PTCD3: variants seen among roughly 807,000 people sequenced by gnomAD.
The protein encoded by PTCD3 is pentatricopeptide repeat domain 3.
In PTCD3, 89 loss-of-function variants were observed where a neutral mutation model predicts 101.9. That is an observed-to-expected ratio of 0.87 (90% CI 0.74 to 1.04). The LOEUF (loss-of-function observed/expected upper bound fraction) is 1.04. Ranked by LOEUF, PTCD3 falls within the 50% of genes least tolerant of loss-of-function variation. The probability of loss-of-function intolerance (pLI) is 0.00; values close to 1 mark genes in which losing one functional copy is unlikely to be tolerated. For missense variants in PTCD3, 870 were observed against 828.2 expected (o/e 1.05, Z -0.62); for synonymous variants, 296 against 278.5 (o/e 1.06, Z -0.63).
chr2:86,133,354 TC>T lies in PTCD3; in HGVS notation c.1465del (p.His489ThrfsTer5). The T allele has an allele frequency of 6.2e-7, 1 of 1,614,118 alleles. No individual in the cohort carries two copies. Among genetic ancestry groups the T allele is most frequent in the Non-Finnish European group, 8.5e-7 (1 of 1,179,980 alleles). On this transcript the variant is annotated frameshift_variant, in exon 19 of 24. Coordinates refer to ENST00000254630, the MANE Select transcript of PTCD3 (RefSeq NM_017952.6). LOFTEE classifies it high-confidence loss of function. ...YEDLIPSAYF[P>X]HSQTMIHLLQ... is the part of the protein sequence containing the mutation. Reference sequence around the variant, plus strand: ...GTGTTTCTCTTAATCAGGCCTACTTTCCCCACTCCCAAACAATGATACATCT... The same window carrying T: ...GTGTTTCTCTTAATCAGGCCTACTTTCCCACTCCCAAACAATGATACATCT...
chr2:86,124,961 T>A (rs749649981), intron 9 of PTCD3, 34 bp from the exon 10 acceptor site: 6 of 1,609,416 alleles, frequency 3.7e-6, no homozygotes, highest in African/African-American at 1.3e-5. Context: ...GTATTTCTTA[T>A]TGCCTGGGTT....
intron 23 of PTCD3, 88 bp downstream of exon 23, chr2:86,137,228 C>A: frequency 7.0e-7 from 1 of 1,435,034 alleles, no homozygotes; most frequent in East Asian, 2.3e-5. Context: ...TCTATCCCTT[C>A]TATTTCCTTT....
At chr2:86,131,477 A>G (rs192195023) in intron 16 of PTCD3, among the ~76,000 whole-genome samples, 153 of 152,134 alleles carry the variant, frequency 1.0e-3, no homozygotes, top group Admixed American at 2.2e-3. Context: ...CCACCTCCCA[A>G]AGTGCTGGGA....
rs367545909 is a variant in PTCD3, at chr2:86,132,820, G to C, written c.1374-358G>C. 5 of 321,898 alleles carry C rather than the reference G, an allele frequency of 1.6e-5. No individual in the cohort carries two copies. In the East Asian group the frequency reaches 2.5e-4, roughly 16 times the overall value. 19.9% of individuals were successfully genotyped at this position (321,898 alleles called of 1,614,324 possible). A position where few individuals can be genotyped will look rare whatever the true frequency, so the allele number is the denominator to read the frequency against. On this transcript the variant is annotated intron_variant, in intron 17 of 23. Transcript: ENST00000254630. ...AATGGGTTTGCTTTTAGGCAGATAA[G>C]AACATGAATTTAAGAAGGCAGCATG...
rs1465276708 is a variant in PTCD3 at position 86,139,625 on chromosome 2, A to AC, written c.*2072dup. 8 of 151,724 alleles carry AC rather than the reference A, an allele frequency of 5.3e-5. No individual in the cohort carries two copies. Among genetic ancestry groups the AC allele is most frequent in the South Asian group, 2.1e-4 (1 of 4,796 alleles). The allele number at this position is 151,724 out of a possible 1,614,324, so 9.4% of individuals were successfully genotyped here. On this transcript the variant is annotated 3_prime_UTR_variant, in exon 24 of 24. Transcript: ENST00000254630. Reference sequence around the variant, plus strand: ...TGAGACCAGCCTGGGTAACAGTGAGACCCCCCTCCCTACAAAAGATTTTAA... The same window carrying AC: ...TGAGACCAGCCTGGGTAACAGTGAGACCCCCCCTCCCTACAAAAGATTTTAA...
intron 10 of PTCD3, 134 bp from the exon 11 acceptor site, chr2:86,125,321 A>G: frequency 1.8e-6 from 2 of 1,109,666 alleles, no homozygotes; most frequent in Middle Eastern, 2.0e-4. Context: ...ATCCCACTGC[A>G]CTAGAGTATG....
intron 9 of PTCD3, 48 bp downstream of exon 9, chr2:86,123,810 A>G: frequency 2.3e-6 from 3 of 1,297,728 alleles, no homozygotes; most frequent in Non-Finnish European, 3.2e-6. Context: ...CTTACAGTGC[A>G]TGGAATATGC....
intron 12 of PTCD3, among the ~76,000 whole-genome samples, 171 bp downstream of exon 12, chr2:86,126,051 G>A (rs1028219489): frequency 9.9e-5 from 15 of 152,020 alleles, no homozygotes; most frequent in African/African-American, 3.6e-4. Context: ...CCAACATGGT[G>A]AAACCCGTCT....
At chr2:86,122,494 C>T (rs1280660837) in intron 8 of PTCD3, among the ~76,000 whole-genome samples, 1 of 149,364 alleles carries the variant, frequency 6.7e-6, no homozygotes, top group Non-Finnish European at 1.5e-5. Flanking sequence ...TTACTGCAGC[C>T]TTTAACTCCT....
chr2:86,136,682 A>G, intron 22 of PTCD3, 120 bp downstream of exon 22: 1 of 1,179,044 alleles, frequency 8.5e-7, no homozygotes, highest in East Asian at 2.3e-5. Flanking sequence ...CATACCGTCA[A>G]CTCCCTACTA....
Position 86,125,069 on chromosome 2 carries a change from G to C in PTCD3, c.791G>C (p.Arg264Pro). The C allele has an allele frequency of 6.2e-7, 1 of 1,613,882 alleles. No individual in the cohort carries two copies. The highest frequency in any genetic ancestry group is 2.2e-5 in the East Asian group (1 of 44,866). The change falls in exon 10 of 24, where the codon CGA (arginine) becomes CCA (proline). Residue 264 changes from arginine (R) to proline (P), a missense_variant. Arg to Pro is a moderately radical substitution (Grantham distance 103). Transcript: ENST00000254630. ...KNEHSYCTMI[R>P]GMVKHRAYEQ... ...GAACATTCCTATTGCACAATGATCC[G>C]AGGAATGGTGAAGGTACATTTGTTT...
At chr2:86,122,245 A>G (rs1238885486) in intron 8 of PTCD3, among the ~76,000 whole-genome samples, 1 of 152,236 alleles carries the variant, frequency 6.6e-6, no homozygotes, top group Non-Finnish European at 1.5e-5. Context: ...GGAAACATTC[A>G]TCCAATAAGT....
chr2:86,114,744 G>A (rs1307914336), intron 4 of PTCD3, among the ~76,000 whole-genome samples: 2 of 152,142 alleles, frequency 1.3e-5, no homozygotes, highest in Non-Finnish European at 1.5e-5. Flanking sequence ...CAAAAGATAC[G>A]TGTGTGTGAG....
chr2:86,137,349 A>C, intron 23 of PTCD3, 120 bp from the exon 24 acceptor site: 1 of 1,421,464 alleles, frequency 7.0e-7, no homozygotes, highest in Admixed American at 2.5e-5. Context: ...GTTTAATGCA[A>C]CTGCAGGGTC....
intron 14 of PTCD3, among the ~76,000 whole-genome samples, 197 bp downstream of exon 14, chr2:86,128,188 T>C (rs1424519): frequency 0.053 from 8,133 of 152,102 alleles, 296 homozygotes; most frequent in Non-Finnish European, 0.079. Flanking sequence ...CTTGAACTCC[T>C]GGGCTCAAAC....
At chr2:86,115,538 A>G (rs1325346215) in intron 4 of PTCD3, among the ~76,000 whole-genome samples, 1 of 152,218 alleles carries the variant, frequency 6.6e-6, no homozygotes, top group African/African-American at 2.4e-5. Context: ...AAAATAAAAC[A>G]CTGCCTCCAG....
chr2:86,137,321 CT>C (rs1400459051), intron 23 of PTCD3, 147 bp from the exon 24 acceptor site: 4 of 1,325,390 alleles, frequency 3.0e-6, no homozygotes, highest in Non-Finnish European at 4.1e-6. Flanking sequence ...CTGTTAGAAG[CT>C]TTTTGTTTCT....
Position 86,118,902 on chromosome 2 carries a change from A to C in PTCD3, c.415-19A>C. 6.2e-7 allele frequency: 1 copy of C among 1,607,126 alleles called. No homozygotes were observed. ...ACCTTTACCTGTTTGTAGTAACTTT[A>C]GTCATCTTGTTTTCCTAGTGTTTAA... On this transcript the variant is annotated intron_variant, in intron 6 of 23. Coordinates refer to ENST00000254630, the MANE Select transcript of PTCD3 (RefSeq NM_017952.6).
intron 16 of PTCD3, among the ~76,000 whole-genome samples, chr2:86,131,370 A>G (rs1465227031): frequency 6.6e-6 from 1 of 151,992 alleles, no homozygotes; most frequent in Admixed American, 6.5e-5. Context: ...AATAGCTGGG[A>G]CTACAGGTGT....
Sources: gnomAD v4.1 joint callset for allele counts (sites outside exome capture counted in the v4.1 genomes callset) on GRCh38, gnomAD v4.1.1 for gene constraint, MANE v1.5 for transcripts, NCBI Gene and HGNC (gene_info 2026-07-23, HGNC 2026-07-21) for gene names.